Variants in FIP1L1 observed in about 807,000 individuals in gnomAD.
The protein encoded by FIP1L1 is factor interacting with PAPOLA and CPSF1.
FIP1L1 carries 21 observed loss-of-function variants against 84.6 expected under a neutral mutation model. That is an observed-to-expected ratio of 0.25 (90% CI 0.18 to 0.36). The LOEUF is 0.36. Among genes scored for constraint, FIP1L1 ranks in the 10% least tolerant of loss-of-function variants. The pLI is 1.00. For synonymous variants in FIP1L1, 263 were observed against 242.3 expected (o/e 1.09, Z -0.80); for missense variants, 526 against 751.1 (o/e 0.70, Z 3.50).
At chr4:53,388,635 G>C (rs1172882488) in intron 5 of FIP1L1, among the ~76,000 whole-genome samples, 1 of 152,098 alleles carries the variant, frequency 6.6e-6, no homozygotes, top group Admixed American at 6.6e-5. Flanking sequence ...GTGCCCGGCC[G>C]TCTTACTGAT....
intron 10 of FIP1L1, among the ~76,000 whole-genome samples, chr4:53,405,671 T>C (rs1237194411): frequency 6.9e-6 from 1 of 145,298 alleles, no homozygotes; most frequent in Non-Finnish European, 1.5e-5. Context: ...GTTTGTGTCC[T>C]CTTTTATTTC....
At position 53,459,592 on chromosome 4, in the gene FIP1L1, A is replaced by G. The variant is rs1721380096; in HGVS notation, c.*143A>G. The G allele has an allele frequency of 1.7e-6, 2 of 1,186,868 alleles. No homozygotes were observed. The highest frequency in any genetic ancestry group is 2.4e-6 in the Non-Finnish European group (2 of 826,588). 73.5% of individuals were successfully genotyped at this position (1,186,868 alleles called of 1,614,324 possible). A position where few individuals can be genotyped will look rare whatever the true frequency, so the allele number is the denominator to read the frequency against. Reference sequence around the variant, plus strand: ...AAAGTTAACTTTTTTTCCAAAATAAAAGAGTGAATTTTTCATGTTAAGTTA... The same window carrying G: ...AAAGTTAACTTTTTTTCCAAAATAAGAGAGTGAATTTTTCATGTTAAGTTA... On this transcript the variant is annotated 3_prime_UTR_variant, in exon 18 of 18. Transcript: ENST00000337488.
At chr4:53,435,313 C>T (rs1768633609) in intron 13 of FIP1L1, among the ~76,000 whole-genome samples, 1 of 151,876 alleles carries the variant, frequency 6.6e-6, no homozygotes, top group South Asian at 2.1e-4. Flanking sequence ...CAGGATGCAC[C>T]CTTTATAATA....
intron 10 of FIP1L1, among the ~76,000 whole-genome samples, chr4:53,406,068 G>C (rs1753246044): frequency 6.6e-6 from 1 of 151,956 alleles, no homozygotes; most frequent in Non-Finnish European, 1.5e-5. Flanking sequence ...GGTGAGAGAG[G>C]GCATCCCTGT....
rs769863944 is a variant in FIP1L1 at position 53,442,644 on chromosome 4, A to C, written c.1175-9A>C. ...TTAACATTTTTTATCTTATGATTGAATGTTTCAGGTTTTCCTCCTCCACCA... is the reference window on the plus strand; with the variant it reads ...TTAACATTTTTTATCTTATGATTGACTGTTTCAGGTTTTCCTCCTCCACCA... On this transcript the variant is annotated splice_polypyrimidine_tract_variant and intron_variant, in intron 13 of 17. Coordinates refer to ENST00000337488, the MANE Select transcript of FIP1L1 (RefSeq NM_030917.4). The C allele has an allele frequency of 1.3e-6, 2 of 1,589,660 alleles. No individual in the cohort carries two copies. The highest frequency in any genetic ancestry group is 2.7e-5 in the African/African-American group (2 of 74,340).
intron 10 of FIP1L1, among the ~76,000 whole-genome samples, chr4:53,402,127 A>G (rs967452939): frequency 6.6e-6 from 1 of 152,194 alleles, no homozygotes; most frequent in Non-Finnish European, 1.5e-5. Context: ...GCTATCAAAT[A>G]CTAAATCCAA....
intron 15 of FIP1L1, among the ~76,000 whole-genome samples, chr4:53,444,726 C>T (rs909178099): frequency 2.0e-5 from 3 of 152,150 alleles, no homozygotes; most frequent in East Asian, 1.9e-4. Flanking sequence ...GGACTACAGG[C>T]GTGCATCACC....
At chr4:53,413,062 C>G (rs149367519) in intron 10 of FIP1L1, among the ~76,000 whole-genome samples, 2 of 151,918 alleles carry the variant, frequency 1.3e-5, no homozygotes, top group Non-Finnish European at 2.9e-5. Context: ...GTGTTTAAAC[C>G]GTATGTATGA....
At position 53,460,722 on chromosome 4, in the gene FIP1L1, A is replaced by AGTT. The variant is rs1031881253; in HGVS notation, c.*1274_*1276dup. 22 of 562,478 alleles carry AGTT rather than the reference A, an allele frequency of 3.9e-5. No homozygotes were observed. Among genetic ancestry groups the AGTT allele is most frequent in the Admixed American group, 7.7e-5 (2 of 25,886 alleles). 34.8% of individuals were successfully genotyped at this position (562,478 alleles called of 1,614,324 possible). On this transcript the variant is annotated 3_prime_UTR_variant, in exon 18 of 18. Coordinates refer to ENST00000337488, the MANE Select transcript of FIP1L1 (RefSeq NM_030917.4). ...TCCTCCACACTGAAAAAAAACTAGT[A>AGTT]GTTTTAATTTTTTTGGAATCATATT...
intron 10 of FIP1L1, among the ~76,000 whole-genome samples, chr4:53,409,520 C>G (rs1427041661): frequency 6.6e-6 from 1 of 152,216 alleles, no homozygotes; most frequent in Non-Finnish European, 1.5e-5. Flanking sequence ...CCACTGCTCT[C>G]TTCAAAGCAG....
At chr4:53,457,980 A>G (rs1410308021) in intron 16 of FIP1L1, among the ~76,000 whole-genome samples, 1 of 152,080 alleles carries the variant, frequency 6.6e-6, no homozygotes, top group African/African-American at 2.4e-5. Context: ...GCTTCTATTT[A>G]TGCAGTTGAA....
chr4:53,405,452 AGTTT>A (rs1035341051), intron 10 of FIP1L1, among the ~76,000 whole-genome samples: 9 of 152,072 alleles, frequency 5.9e-5, no homozygotes, highest in African/African-American at 2.2e-4. Flanking sequence ...TGATGCCTCC[AGTTT>A]GTTCTTTTGG....
intron 9 of FIP1L1, among the ~76,000 whole-genome samples, chr4:53,398,061 A>G (rs1388042482): frequency 6.6e-6 from 1 of 151,838 alleles, no homozygotes; most frequent in Admixed American, 6.6e-5. Context: ...TATCCTTTAG[A>G]TTTTTTTCAT....
Position 53,411,747 on chromosome 4 carries a change from C to G in FIP1L1, c.816-2868C>G, listed in dbSNP as rs555932479. 2.6e-5 allele frequency among the ~76,000 whole-genome samples: 4 copies of G among 152,146 alleles called. No homozygotes were observed. The South Asian group carries it at 8.3e-4, about 32-fold the overall frequency. On this transcript the variant is annotated intron_variant, in intron 10 of 17. Coordinates refer to ENST00000337488, the MANE Select transcript of FIP1L1 (RefSeq NM_030917.4). ...TTAAAAATATTTTTTCGTACTTTAT[C>G]AATAGAAATGCTGGGTTTCCAACGT...
At chr4:53,427,934 A>C in intron 12 of FIP1L1, 93 bp from the exon 13 acceptor site, 1 of 1,096,434 alleles carries the variant, frequency 9.1e-7, no homozygotes, top group Non-Finnish European at 1.3e-6. Context: ...ACTACCTTTT[A>C]CTTTGTTTCT....
In FIP1L1 at chr4:53,408,037, A is replaced by G. The variant is rs1268063784; in HGVS notation, c.816-6578A>G. ...TATGTATGAATTTGATCCTGTCATTATGATGTTAGCTGGTTATTTTGCTCG... is the reference window on the plus strand; with the variant it reads ...TATGTATGAATTTGATCCTGTCATTGTGATGTTAGCTGGTTATTTTGCTCG... On this transcript the variant is annotated intron_variant, in intron 10 of 17. Coordinates refer to ENST00000337488, the MANE Select transcript of FIP1L1 (RefSeq NM_030917.4). Among the ~76,000 whole-genome samples, 3 of 152,176 alleles carry G rather than the reference A, an allele frequency of 2.0e-5. No homozygotes were observed. The East Asian group carries it at 5.8e-4, about 29-fold the overall frequency.
chr4:53,385,535 G>C (rs1339934401), intron 5 of FIP1L1, among the ~76,000 whole-genome samples: 3 of 152,070 alleles, frequency 2.0e-5, no homozygotes, highest in Admixed American at 2.0e-4. Flanking sequence ...GATTTATGGA[G>C]TTTTCTATTC....
intron 11 of FIP1L1, among the ~76,000 whole-genome samples, chr4:53,416,790 C>T (rs1381711201): frequency 6.6e-6 from 1 of 151,958 alleles, no homozygotes; most frequent in Non-Finnish European, 1.5e-5. Context: ...ATGGTGAAAC[C>T]CTGTCTCTAC....
At chr4:53,404,136 A>G (rs1751831340) in intron 10 of FIP1L1, among the ~76,000 whole-genome samples, 1 of 147,688 alleles carries the variant, frequency 6.8e-6, no homozygotes, top group Non-Finnish European at 1.5e-5. Context: ...AATTAGGTAT[A>G]TCTCCTAATG....
Sources: gnomAD v4.1 joint callset for allele counts (sites outside exome capture counted in the v4.1 genomes callset) on GRCh38, gnomAD v4.1.1 for gene constraint, MANE v1.5 for transcripts, NCBI Gene and HGNC (gene_info 2026-07-23, HGNC 2026-07-21) for gene names.